The following SKAP2 variants were observed in gnomAD, a reference collection of about 807,000 sequenced individuals.
SKAP2 encodes the protein src kinase associated phosphoprotein 2.
In SKAP2, 28 loss-of-function variants were observed where a neutral mutation model predicts 54.9. The ratio of observed to expected loss-of-function variants is 0.51; its 90% CI spans 0.38 to 0.70. The LOEUF is 0.70. Among genes scored for constraint, SKAP2 ranks in the 30% least tolerant of loss-of-function variants. The pLI is 0.00. For missense variants in SKAP2, 356 were observed against 424.1 expected (o/e 0.84, Z 1.41); for synonymous variants, 137 against 134.3 (o/e 1.02, Z -0.14).
chr7:26,754,342 C>A (rs143096362), intron 4 of SKAP2, among the ~76,000 whole-genome samples: 130 of 137,952 alleles, frequency 9.4e-4, no homozygotes, highest in Non-Finnish European at 1.5e-3. Context: ...CCAGTCTGGG[C>A]AACACAGTGA....
intron 9 of SKAP2, among the ~76,000 whole-genome samples, chr7:26,702,494 T>G (rs940303987): frequency 1.3e-5 from 2 of 152,146 alleles, no homozygotes; most frequent in Non-Finnish European, 2.9e-5. Flanking sequence ...AATGATTGTT[T>G]ATTGCTCTCT....
intron 11 of SKAP2, among the ~76,000 whole-genome samples, chr7:26,680,140 G>T (rs1200256685): frequency 6.6e-6 from 1 of 152,140 alleles, no homozygotes; most frequent in African/African-American, 2.4e-5. Flanking sequence ...TCTAAAAATA[G>T]TTTATTGCTT....
chr7:26,825,634 G>A (rs1304326220), intron 4 of SKAP2, among the ~76,000 whole-genome samples: 1 of 147,352 alleles, frequency 6.8e-6, no homozygotes, highest in African/African-American at 2.5e-5. Flanking sequence ...CAGCTCTTAT[G>A]AAAGGTTTGA....
chr7:26,729,771 G>A (rs1366628068), intron 6 of SKAP2, among the ~76,000 whole-genome samples: 1 of 151,980 alleles, frequency 6.6e-6, no homozygotes. Flanking sequence ...TACAACATAA[G>A]AAAAATGGGT....
Position 26,739,975 on chromosome 7 carries a change from T to A in SKAP2, c.308-11A>T, listed in dbSNP as rs776861253. 1.1e-5 allele frequency: 17 copies of A among 1,581,906 alleles called. No individual in the cohort carries two copies. Among genetic ancestry groups the A allele is most frequent in the Non-Finnish European group, 1.5e-5 (17 of 1,163,350 alleles). On this transcript the variant is annotated splice_polypyrimidine_tract_variant and intron_variant, in intron 4 of 12. Transcript: ENST00000345317. ...GAGGAAACTGGGCTCCTATGAGAAG[T>A]TGGGGAGAGAAAAAAAAAAGCAGTG...
chr7:26,863,265 TA>T (rs1785305037), intron 1 of SKAP2, among the ~76,000 whole-genome samples: 1 of 152,172 alleles, frequency 6.6e-6, no homozygotes, highest in Non-Finnish European at 1.5e-5. Flanking sequence ...GAGTAACATA[TA>T]AAATGTGTCA....
chr7:26,793,055 G>A (rs1221133155), intron 4 of SKAP2, among the ~76,000 whole-genome samples: 1 of 152,140 alleles, frequency 6.6e-6, no homozygotes, highest in Non-Finnish European at 1.5e-5. Context: ...GGCTACTCCA[G>A]ACTAGCAGTG....
chr7:26,682,528 A>G (rs1786526870), intron 11 of SKAP2, among the ~76,000 whole-genome samples: 1 of 152,182 alleles, frequency 6.6e-6, no homozygotes, highest in Non-Finnish European at 1.5e-5. Flanking sequence ...AGGTAATAAC[A>G]TGCTGGCGAA....
intron 4 of SKAP2, among the ~76,000 whole-genome samples, chr7:26,825,302 A>T (rs1024712683): frequency 2.6e-5 from 4 of 152,064 alleles, no homozygotes; most frequent in Non-Finnish European, 5.9e-5. Context: ...TCTTTTTTTT[A>T]ACCTTGGTAT....
chr7:26,712,061 G>A lies in SKAP2; in HGVS notation c.796+13367C>T, dbSNP rs116285123. 7.9e-3 allele frequency among the ~76,000 whole-genome samples: 1,196 copies of A among 152,232 alleles called. 20 individuals carry two copies. The highest frequency in any genetic ancestry group is 0.027 in the African/African-American group (1,115 of 41,550). ...TTAAACTTGAGTAACAATTGATACCGTTAGTAGAAATAGAAAAGAAAGGAG... is the reference window on the plus strand; with the variant it reads ...TTAAACTTGAGTAACAATTGATACCATTAGTAGAAATAGAAAAGAAAGGAG... On this transcript the variant is annotated intron_variant, in intron 9 of 12. Transcript: ENST00000345317.
chr7:26,814,992 C>T (rs1441116477), intron 4 of SKAP2, among the ~76,000 whole-genome samples: 1 of 151,944 alleles, frequency 6.6e-6, no homozygotes, highest in Non-Finnish European at 1.5e-5. Flanking sequence ...TTTTTAATTA[C>T]TGAAACTCAG....
intron 9 of SKAP2, among the ~76,000 whole-genome samples, chr7:26,704,939 C>T (rs1284750959): frequency 6.6e-6 from 1 of 152,176 alleles, no homozygotes; most frequent in South Asian, 2.1e-4. Context: ...CCAACATCAA[C>T]AAAATGTCTG....
At chr7:26,819,122 CAT>C (rs752880379) in intron 4 of SKAP2, among the ~76,000 whole-genome samples, 58 of 152,230 alleles carry the variant, frequency 3.8e-4, no homozygotes, top group Non-Finnish European at 5.7e-4. Flanking sequence ...CACATGCACA[CAT>C]ATGTTTATCA....
Position 26,725,988 on chromosome 7 carries a change from T to G in SKAP2, c.595-2A>C. The G allele has an allele frequency of 6.2e-7, 1 of 1,603,990 alleles. No homozygotes were observed. The highest frequency in any genetic ancestry group is 1.1e-5 in the South Asian group (1 of 90,842). Reference sequence around the variant, plus strand: ...ATCTTTGGGAGAAGCTGCTGTAAACTAATATAAAACAAACAGTAAGAACGA... The same window carrying G: ...ATCTTTGGGAGAAGCTGCTGTAAACGAATATAAAACAAACAGTAAGAACGA... On this transcript the variant is annotated splice_acceptor_variant, in intron 7 of 12. Transcript: ENST00000345317. LOFTEE classifies it high-confidence loss of function.
chr7:26,657,619 A>T, the SKAP2 span, among the ~76,000 whole-genome samples: 1 of 152,142 alleles, frequency 6.6e-6, no homozygotes, highest in Non-Finnish European at 1.5e-5. Context: ...AGTCTCATAA[A>T]GCAGAGGATT....
At chr7:26,678,073 T>A (rs1362711405) in intron 11 of SKAP2, among the ~76,000 whole-genome samples, 1 of 152,236 alleles carries the variant, frequency 6.6e-6, no homozygotes, top group Non-Finnish European at 1.5e-5. Context: ...TAGCTGCGTA[T>A]CCTCAGATAA....
intron 9 of SKAP2, among the ~76,000 whole-genome samples, chr7:26,720,860 A>G (rs1010372475): frequency 1.3e-5 from 2 of 152,116 alleles, no homozygotes; most frequent in Non-Finnish European, 2.9e-5. Flanking sequence ...CCCAGGACAC[A>G]TGGGGATTTT....
At chr7:26,722,200 A>G (rs1787593257) in intron 9 of SKAP2, among the ~76,000 whole-genome samples, 1 of 152,158 alleles carries the variant, frequency 6.6e-6, no homozygotes, top group Admixed American at 6.5e-5. Flanking sequence ...AATCCCTTAA[A>G]CACAAAGAAG....
At chr7:26,741,681 T>A (rs1584362516) in intron 4 of SKAP2, among the ~76,000 whole-genome samples, 2 of 152,244 alleles carry the variant, frequency 1.3e-5, no homozygotes, top group African/African-American at 4.8e-5. Context: ...GATGTGATTA[T>A]CATGCATTGT....
Sources: gnomAD v4.1 joint callset for allele counts (sites outside exome capture counted in the v4.1 genomes callset) on GRCh38, gnomAD v4.1.1 for gene constraint, MANE v1.5 for transcripts, NCBI Gene and HGNC (gene_info 2026-07-23, HGNC 2026-07-21) for gene names.